The following MPND variants were observed in gnomAD, a reference collection of about 807,000 sequenced individuals.
MPND encodes the protein MPN domain-containing protein.
A neutral mutation model predicts 59.2 loss-of-function variants in MPND; 56 were observed. The ratio of observed to expected loss-of-function variants is 0.95; its 90% confidence interval spans 0.76 to 1.18. The LOEUF (loss-of-function observed/expected upper bound fraction) is 1.18. Among genes scored for constraint, MPND ranks in the 50% most tolerant of loss-of-function variants. The probability of loss-of-function intolerance (pLI) is 0.00; values close to 1 mark genes in which losing one functional copy is unlikely to be tolerated. For missense variants in MPND, 671 were observed against 676.0 expected, an observed-to-expected ratio of 0.99 and a Z score of 0.08; for synonymous variants, 323 against 291.9, an observed-to-expected ratio of 1.11 and a Z score of -1.09.
intron 3 of MPND, among the ~76,000 whole-genome samples, chr19:4,351,861 CAAAAAA>C (rs1217874445): frequency 1.6e-4 from 8 of 51,392 alleles, no homozygotes; most frequent in Non-Finnish European, 2.1e-4. Context: ...GACTCTGTCT[CAAAAAA>C]AAAAAAAAAA....
At chr19:4,353,137 G>T in intron 4 of MPND, 108 bp downstream of exon 4, 1 of 869,164 alleles carries the variant, frequency 1.2e-6, no homozygotes, top group African/African-American at 1.7e-5. Context: ...CCCCAAGATG[G>T]AGACATGGAG....
rs191139135 is a variant in MPND at position 4,344,831 on chromosome 19, C to G, written c.294+837C>G. 1.9e-3 allele frequency among the ~76,000 whole-genome samples: 279 copies of G among 150,348 alleles called. 1 individual carries two copies. The highest frequency in any genetic ancestry group is 6.4e-3 in the African/African-American group (260 of 40,866). ...TCGGCTCACTGCAACCTCTGCCTCC[C>G]GGTTCAAGCGATTTTCTGCCTCAGC... On this transcript the variant is annotated intron_variant, in intron 2 of 12. Transcript: ENST00000599840.
intron 6 of MPND, 67 bp from the exon 7 acceptor site, chr19:4,354,882 G>A: frequency 6.8e-7 from 1 of 1,467,184 alleles, no homozygotes. Context: ...TGAGGGCACA[G>A]GCTGGCTCCA....
At chr19:4,346,903 G>A (rs964832389) in intron 3 of MPND, among the ~76,000 whole-genome samples, 9 of 151,974 alleles carry the variant, frequency 5.9e-5, no homozygotes, top group Non-Finnish European at 8.8e-5. Flanking sequence ...GGTGGTGCAC[G>A]CCTGTAGTCC....
chr19:4,357,001 C>G (rs1426443404), intron 8 of MPND: 1 of 398,660 alleles, frequency 2.5e-6, no homozygotes. Flanking sequence ...AGCTGGGCTA[C>G]AGCAGTGAAC....
chr19:4,357,441 G>A lies in MPND; in HGVS notation c.1165+20G>A, dbSNP rs781385692. 21 of 1,609,878 alleles carry A rather than the reference G, an allele frequency of 1.3e-5. No individual in the cohort carries two copies. The highest frequency in any genetic ancestry group is 1.6e-5 in the Non-Finnish European group (19 of 1,178,022). The stretch of plus-strand genomic sequence containing the variant: ...TCTGCTGTACGCGGGATGGGGCTGT[G>A]GGGGGAGCAAGGAGGGGGGATGCTG... On this transcript the variant is annotated intron_variant, in intron 9 of 12. Coordinates refer to ENST00000599840, the MANE Select transcript of MPND (RefSeq NM_001300862.2).
Position 4,354,121 on chromosome 19 carries a change from C to G in MPND, c.741C>G (p.Asp247Glu). ...GCTACTGCATGCTGGGCAGCCGCGA[C>G]TTGGCCAGGTCAGACTCACCCCAAG... Reference protein sequence around the residue: ...PVRYCMLGSRDLARNPHTLVE... With the variant: ...PVRYCMLGSRELARNPHTLVE... The change falls in exon 5 of 13, where the codon GAC (aspartate) becomes GAG (glutamate). Residue 247 changes from aspartate (D) to glutamate (E), a missense_variant. By Grantham distance (45) the Asp-to-Glu change is conservative. Coordinates refer to ENST00000599840, the MANE Select transcript of MPND (RefSeq NM_001300862.2). 1 of 1,612,034 alleles carries G rather than the reference C, an allele frequency of 6.2e-7. No homozygotes were observed. Among genetic ancestry groups the G allele is most frequent in the Non-Finnish European group, 8.5e-7 (1 of 1,178,254 alleles).
At chr19:4,359,133 C>T in intron 11 of MPND, 30 bp from the exon 12 acceptor site, 1 of 1,543,658 alleles carries the variant, frequency 6.5e-7, no homozygotes, top group Non-Finnish European at 8.9e-7. Flanking sequence ...TTGGAGGGAG[C>T]CTGGGAGTCC....
intron 3 of MPND, among the ~76,000 whole-genome samples, chr19:4,352,291 A>G (rs1972336170): frequency 6.6e-6 from 1 of 152,280 alleles, no homozygotes; most frequent in Non-Finnish European, 1.5e-5. Flanking sequence ...TTTGAGCAGT[A>G]GGATATAAAT....
chr19:4,355,215 G>C, intron 8 of MPND, 42 bp downstream of exon 8: 1 of 1,601,742 alleles, frequency 6.2e-7, no homozygotes, highest in East Asian at 2.2e-5. Flanking sequence ...GGAGGGTTGG[G>C]AAGGGACATA....
chr19:4,356,355 G>T (rs1053803419), intron 8 of MPND, among the ~76,000 whole-genome samples: 1 of 151,980 alleles, frequency 6.6e-6, no homozygotes, highest in African/African-American at 2.4e-5. Flanking sequence ...CACCAGCCTG[G>T]GGCCACAGCA....
intron 3 of MPND, among the ~76,000 whole-genome samples, chr19:4,349,722 G>C (rs183773208): frequency 6.6e-6 from 1 of 152,270 alleles, no homozygotes; most frequent in African/African-American, 2.4e-5. Context: ...TGTTGGCCAG[G>C]CTAGTCTTGA....
At chr19:4,343,624 A>AGGTGCGG in intron 1 of MPND, 24 bp downstream of exon 1, 1 of 822,448 alleles carries the variant, frequency 1.2e-6, no homozygotes, top group Non-Finnish European at 1.5e-6. Flanking sequence ...AGCGGGGCGG[A>AGGTGCGG]GGCGCGGGGC....
chr19:4,345,100 T>G (rs1972156914), intron 2 of MPND, among the ~76,000 whole-genome samples: 2 of 136,120 alleles, frequency 1.5e-5, no homozygotes, highest in Non-Finnish European at 3.1e-5. Flanking sequence ...CAGGCTGGAA[T>G]GCAGTAGCAT....
At chr19:4,344,201 A>T (rs1317491458) in intron 2 of MPND, among the ~76,000 whole-genome samples, 1 of 148,690 alleles carries the variant, frequency 6.7e-6, no homozygotes, top group South Asian at 2.1e-4. Flanking sequence ...CAGTGTGAGG[A>T]GGGGAAACTG....
intron 3 of MPND, among the ~76,000 whole-genome samples, chr19:4,351,177 C>G (rs1446938305): frequency 6.6e-6 from 1 of 152,204 alleles, no homozygotes; most frequent in Non-Finnish European, 1.5e-5. Flanking sequence ...GATCTCAGTT[C>G]ACTGCAGTCT....
intron 3 of MPND, chr19:4,348,019 G>A: frequency 6.5e-6 from 1 of 152,908 alleles, no homozygotes. Flanking sequence ...AGTCTCGCGA[G>A]TAGCTGGGAT....
chr19:4,358,791 A>T (rs1245804011), intron 11 of MPND, among the ~76,000 whole-genome samples: 1 of 152,170 alleles, frequency 6.6e-6, no homozygotes, highest in African/African-American at 2.4e-5. Context: ...TACCTCAAGG[A>T]AAAAACCCAA....
At chr19:4,347,765 C>T (rs953624704) in intron 3 of MPND, 33 of 637,922 alleles carry the variant, frequency 5.2e-5, no homozygotes, top group Non-Finnish European at 8.2e-5. Context: ...ACCTGCCCGA[C>T]GCAGTGGCAA....
Sources: gnomAD v4.1 joint callset for allele counts (sites outside exome capture counted in the v4.1 genomes callset) on GRCh38, gnomAD v4.1.1 for gene constraint, MANE v1.5 for transcripts, NCBI Gene and HGNC (gene_info 2026-07-23, HGNC 2026-07-21) for gene names.